Variants in SYNE3 observed in about 807,000 individuals in gnomAD.
The protein encoded by SYNE3 is nesprin-3.
In SYNE3, 100 loss-of-function variants were observed where a neutral mutation model predicts 111.2. That is an observed-to-expected ratio of 0.90 (90% confidence interval 0.77 to 1.06). The LOEUF is 1.06. Among genes scored for constraint, SYNE3 ranks in the 50% least tolerant of loss-of-function variants. The pLI, the probability that SYNE3 is intolerant of heterozygous loss-of-function variation, is 0.00. For missense variants in SYNE3, 1,160 were observed against 1,240.3 expected (o/e 0.94, Z 0.97); for synonymous variants, 547 against 533.9 (o/e 1.02, Z -0.34).
At chr14:95,449,263 T>C (rs1886903372) in intron 8 of SYNE3, among the ~76,000 whole-genome samples, 1 of 150,334 alleles carries the variant, frequency 6.7e-6, no homozygotes, top group Admixed American at 6.6e-5. Context: ...GCAGTTACGG[T>C]AATCCCATCA....
At chr14:95,481,222 C>T (rs910338556) in intron 1 of SYNE3, among the ~76,000 whole-genome samples, 6 of 152,310 alleles carry the variant, frequency 3.9e-5, no homozygotes, top group African/African-American at 1.2e-4. Context: ...TTCTGAAGCC[C>T]GAGATTCTCA....
In SYNE3 at chr14:95,479,358, A is replaced by AAAAT. The variant is rs1244530235; in HGVS notation, c.-14-3527_-14-3524dup. Among the ~76,000 whole-genome samples, 14 of 152,192 alleles carry AAAAT rather than the reference A, an allele frequency of 9.2e-5. No homozygotes were observed. In the East Asian group the frequency reaches 2.3e-3, roughly 25 times the overall value. ...GGTGACAGAGAGAGATTCTGTCTCT[A>AAAAT]AAATAAATAAATAAATAAAAATTTA... On this transcript the variant is annotated intron_variant, in intron 1 of 17. Transcript: ENST00000682763.
intron 8 of SYNE3, among the ~76,000 whole-genome samples, chr14:95,447,160 G>A (rs1886768965): frequency 7.0e-6 from 1 of 143,820 alleles, no homozygotes; most frequent in Non-Finnish European, 1.5e-5. Context: ...TTGAGCTGGA[G>A]TCTCACTCTG....
Position 95,447,681 on chromosome 14 carries a change from T to C in SYNE3, c.1450-1590A>G, listed in dbSNP as rs1268201869. ...CACACAGAGGTCAAGCCTCTCACTG[T>C]AGGGGAGTCAGTCACCTTTACCCCC... is the stretch of plus-strand genomic sequence containing the variant. On this transcript the variant is annotated intron_variant, in intron 8 of 17. Coordinates refer to ENST00000682763, the MANE Select transcript of SYNE3 (RefSeq NM_152592.6). 3.3e-5 allele frequency among the ~76,000 whole-genome samples: 5 copies of C among 152,192 alleles called. No homozygotes were observed. The East Asian group carries it at 9.6e-4, about 29-fold the overall frequency.
intron 8 of SYNE3, among the ~76,000 whole-genome samples, chr14:95,448,194 T>C (rs1452901544): frequency 6.6e-6 from 1 of 152,230 alleles, no homozygotes; most frequent in Admixed American, 6.5e-5. Context: ...CATGGAAATA[T>C]CTAAATGGAT....
chr14:95,426,867 C>T (rs1420264562), intron 17 of SYNE3, among the ~76,000 whole-genome samples: 2 of 148,908 alleles, frequency 1.3e-5, no homozygotes, highest in Non-Finnish European at 3.0e-5. Context: ...TGGCGTGAAC[C>T]CAGGAGGCGG....
rs144446369 is a variant in SYNE3, at chr14:95,501,928, G to T, written c.-15+14668C>A. Among the ~76,000 whole-genome samples the T allele has an allele frequency of 1.3e-3, 191 of 152,272 alleles. 1 individual carries two copies. Among genetic ancestry groups the T allele is most frequent in the African/African-American group, 3.4e-3 (140 of 41,530 alleles). ...TCTGTCTTCACAGACTCTTGCGGGG[G>T]CACACAGACCCTTGAAGGATAGCAC... On this transcript the variant is annotated intron_variant, in intron 1 of 17. Transcript: ENST00000682763.
rs4900267 is a variant in SYNE3 at position 95,412,130 on chromosome 14, C to T, written c.*5696G>A. On this transcript the variant is annotated 3_prime_UTR_variant, in exon 18 of 18. Coordinates refer to ENST00000682763, the MANE Select transcript of SYNE3 (RefSeq NM_152592.6). ...TCCCCTCCTCTGCCATGCCCAGGTCCTCTCCCTGCCCGGCCCAGCTGCCCT... is the reference window on the plus strand; with the variant it reads ...TCCCCTCCTCTGCCATGCCCAGGTCTTCTCCCTGCCCGGCCCAGCTGCCCT... The T allele has an allele frequency of 0.72, 110,554 of 153,990 alleles. 39,944 individuals are homozygous for T. The highest frequency in any genetic ancestry group is 0.76 in the Non-Finnish European group (52,833 of 69,480). 9.5% of individuals were successfully genotyped at this position (153,990 alleles called of 1,614,324 possible).
In SYNE3 at chr14:95,417,848, T is replaced by C; in HGVS notation, c.2906A>G (p.Tyr969Cys). The C allele has an allele frequency of 6.2e-7, 1 of 1,614,190 alleles. No individual in the cohort carries two copies. Among genetic ancestry groups the C allele is most frequent in the Non-Finnish European group, 8.5e-7 (1 of 1,180,026 alleles). Residue 969 changes from tyrosine (Y) to cysteine (C), a missense_variant, in exon 18 of 18, where the codon TAC (tyrosine) becomes TGC (cysteine). Tyr to Cys is a radical substitution (Grantham distance 194). Coordinates refer to ENST00000682763, the MANE Select transcript of SYNE3 (RefSeq NM_152592.6). ...GGGTTAGGTGGGTGGTGGGCCATTG[T>C]AGCGCAGCATGAGCGTGAAGGAGCG... is the stretch of plus-strand genomic sequence containing the variant. ...FARSFTLMLR[Y>C]NGPPPT
At chr14:95,436,548 T>C (rs7146220) in intron 15 of SYNE3, among the ~76,000 whole-genome samples, 21,576 of 152,234 alleles carry the variant, frequency 0.14, 1,942 homozygotes, top group African/African-American at 0.25. Context: ...TGGGATGGTG[T>C]GTCACACAGC....
rs529143191 is a variant in SYNE3, at chr14:95,469,384, G to A, written c.145-1417C>T. On this transcript the variant is annotated intron_variant, in intron 2 of 17. Transcript: ENST00000682763. ...AGTCTCTGCTTGTCCACCTCCCAGGGTTATAATATTAATTTTAAAAACACT... is the reference window on the plus strand; with the variant it reads ...AGTCTCTGCTTGTCCACCTCCCAGGATTATAATATTAATTTTAAAAACACT... 7.2e-5 allele frequency among the ~76,000 whole-genome samples: 11 copies of A among 151,962 alleles called. No homozygotes were observed. The East Asian group carries it at 2.1e-3, about 29-fold the overall frequency.
In SYNE3 at chr14:95,415,229, G is replaced by A. The variant is rs984071337; in HGVS notation, c.*2597C>T. On this transcript the variant is annotated 3_prime_UTR_variant, in exon 18 of 18. Coordinates refer to ENST00000682763, the MANE Select transcript of SYNE3 (RefSeq NM_152592.6). ...TGGATCAGTTTCTTCCCCATTCTGGGCCTCAGCTTTCTCACCTGTGACATA... is the reference window on the plus strand; with the variant it reads ...TGGATCAGTTTCTTCCCCATTCTGGACCTCAGCTTTCTCACCTGTGACATA... 6.6e-6 allele frequency: 1 copy of A among 152,254 alleles called. No individual in the cohort carries two copies. Among genetic ancestry groups the A allele is most frequent in the African/African-American group, 2.4e-5 (1 of 41,444 alleles). The allele number at this position is 152,254 out of a possible 1,614,324, so 9.4% of individuals were successfully genotyped here.
rs991984064 is a variant in SYNE3, at chr14:95,470,150, G to A, written c.145-2183C>T. Among the ~76,000 whole-genome samples, 12 of 152,132 alleles carry A rather than the reference G, an allele frequency of 7.9e-5. No individual in the cohort carries two copies. Among genetic ancestry groups the A allele is most frequent in the African/African-American group, 2.4e-4 (10 of 41,426 alleles). Reference sequence around the variant, plus strand: ...GGGACCCCGAGTCCCTCTCAGCAGCGAGCAGTGATGGGGAAAACAAAAGTA... The same window carrying A: ...GGGACCCCGAGTCCCTCTCAGCAGCAAGCAGTGATGGGGAAAACAAAAGTA... On this transcript the variant is annotated intron_variant, in intron 2 of 17. Transcript: ENST00000682763. This position sits in a 1 kb window ranked among gnomAD's most constrained non-coding sequence, Gnocchi z 4.2.
chr14:95,475,799 T>G lies in SYNE3; in HGVS notation c.23A>C (p.Asp8Ala). ...GGCATCCTCCACGCTCCTGTCAAAG[T>G]CGTCCTGGGGCTGCTGAGTCATGGC... MTQQPQD[D>A]FDRSVEDAQA... The change falls in exon 2 of 18, where the codon GAC becomes GCC. Residue 8 changes from aspartate to alanine, a missense_variant. Transcript: ENST00000682763. 6.3e-7 allele frequency: 1 copy of G among 1,584,496 alleles called. No homozygotes were observed. The highest frequency in any genetic ancestry group is 8.6e-7 in the Non-Finnish European group (1 of 1,167,272).
chr14:95,476,259 T>A (rs1162303291), intron 1 of SYNE3, among the ~76,000 whole-genome samples: 1 of 152,208 alleles, frequency 6.6e-6, no homozygotes, highest in Non-Finnish European at 1.5e-5. Flanking sequence ...GGAACACTGT[T>A]CTGGGCATGG....
At chr14:95,506,436 CG>C (rs1566690970) in intron 1 of SYNE3, among the ~76,000 whole-genome samples, 1 of 152,246 alleles carries the variant, frequency 6.6e-6, no homozygotes, top group African/African-American at 2.4e-5. Flanking sequence ...TCTGTGCACA[CG>C]GGCGCAGGCT....
At chr14:95,463,631 C>T (rs1887981606) in intron 4 of SYNE3, among the ~76,000 whole-genome samples, 1 of 152,230 alleles carries the variant, frequency 6.6e-6, no homozygotes, top group South Asian at 2.1e-4. Flanking sequence ...CCTGCCCATG[C>T]CACACGGGCC....
intron 1 of SYNE3, among the ~76,000 whole-genome samples, chr14:95,495,911 G>T (rs1566687488): frequency 6.6e-6 from 1 of 152,230 alleles, no homozygotes; most frequent in Non-Finnish European, 1.5e-5. Flanking sequence ...TGGGGTTATG[G>T]CAGCTGGGCC....
At chr14:95,446,948 G>A (rs566114525) in intron 8 of SYNE3, among the ~76,000 whole-genome samples, 15 of 152,238 alleles carry the variant, frequency 9.9e-5, no homozygotes, top group African/African-American at 3.6e-4. Flanking sequence ...ATTTCTAATC[G>A]AGAGTCTGGG....
Sources: gnomAD v4.1 joint callset for allele counts (sites outside exome capture counted in the v4.1 genomes callset) on GRCh38, gnomAD v4.1.1 for gene constraint, Gnocchi (gnomAD v3.1) non-coding constraint, MANE v1.5 for transcripts, NCBI Gene and HGNC (gene_info 2026-07-23, HGNC 2026-07-21) for gene names.